The following PHF3 variants were observed in gnomAD, a reference collection of about 807,000 sequenced individuals.
PHF3 encodes the protein PHD finger protein 3.
PHF3 carries 41 observed loss-of-function variants against 178.4 expected under a neutral mutation model. The ratio of observed to expected loss-of-function variants is 0.23; its 90% CI spans 0.18 to 0.30. PHF3 has a LOEUF of 0.30. PHF3 is among the 10% of genes least tolerant of loss of function. The pLI is 1.00. For synonymous variants in PHF3, 842 were observed against 800.5 expected (o/e 1.05, Z -0.88); for missense variants, 2,346 against 2,398.1 (o/e 0.98, Z 0.45).
rs141246082 is a variant in PHF3, at chr6:63,648,513, T to C, written c.244+1718T>C. Among the ~76,000 whole-genome samples the C allele has an allele frequency of 7.4e-3, 1,133 of 152,330 alleles. 7 individuals carry two copies. The highest frequency in any genetic ancestry group is 0.027 in the Middle Eastern group (8 of 294). On this transcript the variant is annotated intron_variant, in intron 2 of 15. Coordinates refer to ENST00000262043, the MANE Select transcript of PHF3 (RefSeq NM_001370348.2). ...TTATAAAATTCCACCCCTATAGTAA[T>C]ACCTGTATTCCTACTTCCTGTCCTT...
intron 2 of PHF3, among the ~76,000 whole-genome samples, chr6:63,667,079 A>G (rs887873023): frequency 6.6e-6 from 1 of 152,086 alleles, no homozygotes; most frequent in Admixed American, 6.6e-5. Context: ...CCCTGGGCTC[A>G]AGCAATCCTC....
intron 4 of PHF3, among the ~76,000 whole-genome samples, chr6:63,689,761 T>C (rs1469445324): frequency 1.3e-5 from 2 of 152,158 alleles, no homozygotes; most frequent in East Asian, 3.9e-4. Flanking sequence ...GAAATAAAAA[T>C]GTGAAAATTC....
intron 10 of PHF3, among the ~76,000 whole-genome samples, 195 bp from the exon 11 acceptor site, chr6:63,703,341 T>C (rs1204059138): frequency 1.3e-5 from 2 of 152,170 alleles, no homozygotes; most frequent in Non-Finnish European, 2.9e-5. Context: ...TAATTTTTGC[T>C]CTTTTAAGTC....
intron 7 of PHF3, 21 bp downstream of exon 7, chr6:63,698,388 A>G (rs777056818): frequency 9.5e-6 from 15 of 1,584,202 alleles, no homozygotes; most frequent in Middle Eastern, 1.7e-4. Context: ...TTTTTATTAT[A>G]GAAGTATCAA....
At chr6:63,696,151 A>T (rs1032883134) in intron 6 of PHF3, among the ~76,000 whole-genome samples, 1 of 152,208 alleles carries the variant, frequency 6.6e-6, no homozygotes, top group African/African-American at 2.4e-5. Context: ...GTACAATGCA[A>T]ATATTCCAAG....
At chr6:63,697,153 C>T (rs907054959) in intron 6 of PHF3, among the ~76,000 whole-genome samples, 1 of 151,874 alleles carries the variant, frequency 6.6e-6, no homozygotes, top group African/African-American at 2.4e-5. Flanking sequence ...GGGATTCACT[C>T]CACATGGAGG....
intron 2 of PHF3, among the ~76,000 whole-genome samples, chr6:63,676,819 A>G (rs1048536314): frequency 1.3e-5 from 2 of 152,188 alleles, no homozygotes; most frequent in African/African-American, 4.8e-5. Context: ...GGGAGAGGGG[A>G]TGGCAGTAGA....
In PHF3 at chr6:63,713,578, A is replaced by G. The variant is rs1768069639; in HGVS notation, c.5990A>G (p.Asp1997Gly). 6.2e-7 allele frequency: 1 copy of G among 1,613,664 alleles called. No individual in the cohort carries two copies. The highest frequency in any genetic ancestry group is 1.3e-5 in the African/African-American group (1 of 74,900). ...RDSRNVDKKP[D>G]KPKSEDYEKD... Reference sequence around the variant, plus strand: ...AGTAGGAATGTAGACAAGAAGCCAGATAAACCTAAAAGTGAAGACTATGAG... The same window carrying G: ...AGTAGGAATGTAGACAAGAAGCCAGGTAAACCTAAAAGTGAAGACTATGAG... The change falls in exon 16 of 16, where the codon GAT becomes GGT. Residue 1997 changes from aspartate (D) to glycine (G), a missense_variant. Physicochemically the swap from Asp to Gly is moderately conservative, Grantham distance 94 (BLOSUM62 -1). This residue lies in a region of PHF3 where 839 missense variants were observed against 806.9 expected (regional missense o/e 1.04). Transcript: ENST00000262043.
chr6:63,677,310 G>T (rs1332202235), intron 2 of PHF3, among the ~76,000 whole-genome samples: 1 of 151,840 alleles, frequency 6.6e-6, no homozygotes, highest in Non-Finnish European at 1.5e-5. Flanking sequence ...AAGATGGGGG[G>T]ACTGAACTGT....
intron 2 of PHF3, chr6:63,679,776 AT>A (rs762299586): frequency 6.0e-5 from 34 of 568,844 alleles, no homozygotes; most frequent in Admixed American, 3.1e-4. Context: ...AATATAGCTA[AT>A]ACTCTCTTTG....
chr6:63,673,462 C>A (rs1766013791), intron 2 of PHF3, among the ~76,000 whole-genome samples: 1 of 152,058 alleles, frequency 6.6e-6, no homozygotes, highest in African/African-American at 2.4e-5. Context: ...TCTTCTCGTC[C>A]TTCTCCAGCT....
At position 63,684,275 on chromosome 6, in the gene PHF3, G is replaced by A. The variant is rs767829991; in HGVS notation, c.553G>A (p.Val185Ile). Reference protein sequence around the residue: ...QPERSQVKEEVCMSLKPEYHK... With the variant: ...QPERSQVKEEICMSLKPEYHK... Reference sequence around the variant, plus strand: ...AGAAAGGAGTCAGGTTAAAGAAGAAGTATGTATGTCACTGAAACCTGAGTA... The same window carrying A: ...AGAAAGGAGTCAGGTTAAAGAAGAAATATGTATGTCACTGAAACCTGAGTA... Residue 185 changes from valine (V) to isoleucine (I), a missense_variant, in exon 4 of 16, where the codon GTA becomes ATA. Coordinates refer to ENST00000262043, the MANE Select transcript of PHF3 (RefSeq NM_001370348.2). 15 of 1,613,870 alleles carry A rather than the reference G, an allele frequency of 9.3e-6. No homozygotes were observed.
chr6:63,692,796 A>G (rs565423165), intron 5 of PHF3, among the ~76,000 whole-genome samples: 10 of 152,272 alleles, frequency 6.6e-5, no homozygotes, highest in Admixed American at 6.5e-4. Context: ...AAGGGGATAC[A>G]TCTTCATTTT....
intron 9 of PHF3, 102 bp from the exon 10 acceptor site, chr6:63,702,406 G>C: frequency 1.4e-6 from 1 of 715,364 alleles, no homozygotes; most frequent in Non-Finnish European, 2.2e-6. Context: ...AAAGTCATCT[G>C]TGGTGATTTG....
intron 11 of PHF3, among the ~76,000 whole-genome samples, chr6:63,704,478 A>G (rs1449729746): frequency 1.3e-5 from 2 of 150,386 alleles, no homozygotes; most frequent in African/African-American, 2.5e-5. Flanking sequence ...TTTTCAGAAT[A>G]TTGTGTAATT....
chr6:63,665,493 T>G (rs1383139236), intron 2 of PHF3, among the ~76,000 whole-genome samples: 12 of 145,760 alleles, frequency 8.2e-5, no homozygotes, highest in African/African-American at 2.5e-4. Flanking sequence ...TTTGTTTTTT[T>G]TTTTTTTTTT....
chr6:63,643,101 A>C (rs573386764), intron 1 of PHF3, among the ~76,000 whole-genome samples: 8 of 152,030 alleles, frequency 5.3e-5, no homozygotes, highest in African/African-American at 1.9e-4. Context: ...TACAGACTTT[A>C]TTCTGATTTT....
Position 63,725,638 on chromosome 6 carries a change from T to C in PHF3, c.*11930T>C, listed in dbSNP as rs1435863773. 6.6e-6 allele frequency among the ~76,000 whole-genome samples: 1 copy of C among 152,158 alleles called. No individual in the cohort carries two copies. The highest frequency in any genetic ancestry group is 1.5e-5 in the Non-Finnish European group (1 of 67,986). ...TATTTTATAGCTCAATTGTACTTTTTCTCTTTGAAATTATTTTGAGGGTAT... is the reference window on the plus strand; with the variant it reads ...TATTTTATAGCTCAATTGTACTTTTCCTCTTTGAAATTATTTTGAGGGTAT... On this transcript the variant is annotated 3_prime_UTR_variant, in exon 16 of 16. Transcript: ENST00000262043.
rs1768140186 is a variant in PHF3, at chr6:63,715,026, T to C, written c.*1318T>C. 6.6e-6 allele frequency: 1 copy of C among 152,100 alleles called. No homozygotes were observed. The highest frequency in any genetic ancestry group is 1.5e-5 in the Non-Finnish European group (1 of 67,994). The allele number at this position is 152,100 out of a possible 1,614,324, so 9.4% of individuals were successfully genotyped here. On this transcript the variant is annotated 3_prime_UTR_variant, in exon 16 of 16. Transcript: ENST00000262043. ...TTCCAAAATACAAAAGAAAGAGAAC[T>C]CTATTATTTACTTACCTGTATTAAT...
Sources: allele counts gnomAD v4.1 joint callset (sites outside exome capture counted in the v4.1 genomes callset), GRCh38; gene constraint gnomAD v4.1.1; regional missense constraint gnomAD v4.1.1; transcripts MANE v1.5; gene names NCBI Gene and HGNC (gene_info 2026-07-23, HGNC 2026-07-21).